The following GABBR2 variants were observed in gnomAD, a reference collection of about 807,000 sequenced individuals.
GABBR2 encodes the protein gamma-aminobutyric acid type B receptor subunit 2.
Under a neutral mutation model 105.6 loss-of-function variants are expected in GABBR2, and 23 were observed. That is an observed-to-expected ratio of 0.22 (90% CI 0.16 to 0.31). GABBR2 has a LOEUF of 0.31. GABBR2 is among the 10% of genes least tolerant of loss of function. The pLI is 1.00. For synonymous variants in GABBR2, 478 were observed against 499.7 expected, an observed-to-expected ratio of 0.96 and a Z score of 0.58; for missense variants, 734 against 1,245.5, an observed-to-expected ratio of 0.59 and a Z score of 6.18.
intron 1 of GABBR2, among the ~76,000 whole-genome samples, chr9:98,592,839 G>A (rs1047372322): frequency 7.9e-5 from 12 of 152,308 alleles, no homozygotes; most frequent in Middle Eastern, 3.4e-3. Flanking sequence ...TGGTAGATGC[G>A]AGGGGTGAGA....
intron 7 of GABBR2, among the ~76,000 whole-genome samples, chr9:98,408,429 G>C (rs966145902): frequency 6.6e-6 from 1 of 152,178 alleles, no homozygotes; most frequent in Non-Finnish European, 1.5e-5. Flanking sequence ...TGTTGGGTTT[G>C]ACTGGTGAAG....
intron 2 of GABBR2, among the ~76,000 whole-genome samples, chr9:98,573,281 A>G (rs895782960): frequency 6.6e-6 from 1 of 152,006 alleles, no homozygotes; most frequent in Non-Finnish European, 1.5e-5. Flanking sequence ...TTTTCACAAC[A>G]CTTATTATTT....
At chr9:98,513,747 T>G (rs1032972466) in intron 3 of GABBR2, among the ~76,000 whole-genome samples, 1 of 152,034 alleles carries the variant, frequency 6.6e-6, no homozygotes, top group Non-Finnish European at 1.5e-5. Flanking sequence ...CATTAAAAAG[T>G]CAGGAAACAA....
chr9:98,395,826 G>A (rs773710045), intron 8 of GABBR2, among the ~76,000 whole-genome samples: 2 of 151,682 alleles, frequency 1.3e-5, no homozygotes, highest in Non-Finnish European at 2.9e-5. Flanking sequence ...GGCAGGGATA[G>A]GGCCCCCAGG....
chr9:98,623,513 A>G (rs1013969157), intron 1 of GABBR2, among the ~76,000 whole-genome samples: 1 of 152,242 alleles, frequency 6.6e-6, no homozygotes, highest in Non-Finnish European at 1.5e-5. Context: ...TCCAAAATGG[A>G]TCTCACTGGG....
chr9:98,693,495 C>T (rs1830711250), intron 1 of GABBR2, among the ~76,000 whole-genome samples: 1 of 152,244 alleles, frequency 6.6e-6, no homozygotes, highest in Non-Finnish European at 1.5e-5. Context: ...TTCCTGCCAG[C>T]AGGCCCCACT....
chr9:98,624,660 C>T (rs1472357645), intron 1 of GABBR2, among the ~76,000 whole-genome samples: 5 of 152,008 alleles, frequency 3.3e-5, no homozygotes, highest in African/African-American at 1.2e-4. Flanking sequence ...GCCGAGCAGA[C>T]ACCTTGACCT....
chr9:98,300,565 CTG>C (rs1163923532), intron 16 of GABBR2, among the ~76,000 whole-genome samples: 2 of 152,190 alleles, frequency 1.3e-5, no homozygotes, highest in Non-Finnish European at 2.9e-5. Context: ...TGTTGAACAT[CTG>C]TGATATTACC....
In GABBR2 at chr9:98,306,005, TTCA is replaced by T. The variant is rs1564009798; in HGVS notation, c.2229+113_2229+115del. Reference sequence around the variant, plus strand: ...TGAATTTTCTATAATGTGAATTGTCTTCATCATAAAAAAAAAAAGGAATGGGTA... The same window carrying T: ...TGAATTTTCTATAATGTGAATTGTCTTCATAAAAAAAAAAAGGAATGGGTA... On this transcript the variant is annotated intron_variant, in intron 15 of 18. Coordinates refer to ENST00000259455, the MANE Select transcript of GABBR2 (RefSeq NM_005458.8). This position sits in a 1 kb window ranked among gnomAD's most constrained non-coding sequence, Gnocchi z 5.4. 2.9e-6 allele frequency: 2 copies of T among 701,720 alleles called. No homozygotes were observed. The highest frequency in any genetic ancestry group is 1.9e-5 in the South Asian group (1 of 53,254). The allele number at this position is 701,720 out of a possible 1,614,324, so 43.5% of individuals were successfully genotyped here.
At chr9:98,313,228 C>G (rs1830662436) in intron 13 of GABBR2, among the ~76,000 whole-genome samples, 2 of 152,190 alleles carry the variant, frequency 1.3e-5, no homozygotes, top group African/African-American at 4.8e-5. Flanking sequence ...ACGATTCCAG[C>G]ACTCCTTGAA....
chr9:98,456,370 G>A (rs888048883), intron 6 of GABBR2, among the ~76,000 whole-genome samples: 9 of 152,090 alleles, frequency 5.9e-5, no homozygotes, highest in Non-Finnish European at 1.2e-4. Context: ...TGGCTTCCTT[G>A]ACCCACCCGT....
intron 1 of GABBR2, among the ~76,000 whole-genome samples, chr9:98,697,349 G>A (rs1830766974): frequency 6.6e-6 from 1 of 152,166 alleles, no homozygotes; most frequent in African/African-American, 2.4e-5. Flanking sequence ...AAATTAGCCG[G>A]GCGTGGTGGC....
At chr9:98,384,706 T>C (rs1426163138) in intron 11 of GABBR2, among the ~76,000 whole-genome samples, 1 of 152,262 alleles carries the variant, frequency 6.6e-6, no homozygotes, top group African/African-American at 2.4e-5. Flanking sequence ...TTAGTTACAC[T>C]GCTTTGGACT....
chr9:98,459,720 C>T (rs1275792441), intron 6 of GABBR2, among the ~76,000 whole-genome samples: 1 of 152,188 alleles, frequency 6.6e-6, no homozygotes, highest in Non-Finnish European at 1.5e-5. Context: ...AAATTGGAGT[C>T]CAGGGTCAGT....
chr9:98,446,866 C>T (rs1034622090), intron 7 of GABBR2, among the ~76,000 whole-genome samples: 1 of 152,088 alleles, frequency 6.6e-6, no homozygotes, highest in African/African-American at 2.4e-5. Flanking sequence ...ACAAGTTCTC[C>T]AGTGACAGCC....
At chr9:98,323,720 A>G (rs2072859575) in intron 13 of GABBR2, among the ~76,000 whole-genome samples, 1 of 152,204 alleles carries the variant, frequency 6.6e-6, no homozygotes, top group Admixed American at 6.5e-5. Context: ...CAGCCCTGGC[A>G]TGGCCGTGCA....
intron 1 of GABBR2, among the ~76,000 whole-genome samples, chr9:98,622,980 A>C (rs940230659): frequency 1.3e-5 from 2 of 152,200 alleles, no homozygotes; most frequent in African/African-American, 4.8e-5. Context: ...ATGTCGGTTC[A>C]TCGACTGGAA....
chr9:98,401,064 AG>A (rs1233863407), intron 8 of GABBR2, among the ~76,000 whole-genome samples: 1 of 133,362 alleles, frequency 7.5e-6, no homozygotes, highest in Non-Finnish European at 1.8e-5. Flanking sequence ...CACTGTTAAG[AG>A]TGCCCAAGAG....
chr9:98,564,037 C>CACA (rs34197516), intron 2 of GABBR2, among the ~76,000 whole-genome samples: 48,424 of 151,976 alleles, frequency 0.32, 8,578 homozygotes, highest in East Asian at 0.52. Context: ...ATTTTTTATA[C>CACA]ACAAGTTACT....
Sources: allele counts gnomAD v4.1 joint callset (sites outside exome capture counted in the v4.1 genomes callset), GRCh38; gene constraint gnomAD v4.1.1; non-coding constraint Gnocchi (gnomAD v3.1); transcripts MANE v1.5; gene names NCBI Gene and HGNC (gene_info 2026-07-23, HGNC 2026-07-21).